NAALADL2: variants seen among roughly 807,000 people sequenced by gnomAD.
The protein encoded by NAALADL2 is inactive N-acetylated-alpha-linked acidic dipeptidase-like protein 2.
In NAALADL2, 76 loss-of-function variants were observed where a neutral mutation model predicts 87.2. That is an observed-to-expected ratio of 0.87 (90% CI 0.72 to 1.05). The LOEUF (loss-of-function observed/expected upper bound fraction) is 1.05, where lower values mean the gene tolerates loss of function less well. NAALADL2 is among the 50% of genes least tolerant of loss of function. NAALADL2 has a pLI of 0.00. For missense variants in NAALADL2, 1,089 were observed against 945.8 expected, an observed-to-expected ratio of 1.15 and a Z score of -1.99; for synonymous variants, 354 against 331.0, an observed-to-expected ratio of 1.07 and a Z score of -0.75.
intron 5 of NAALADL2, among the ~76,000 whole-genome samples, chr3:175,357,512 A>C (rs2148896848): frequency 6.6e-6 from 1 of 152,302 alleles, no homozygotes. Flanking sequence ...ACTGTCCCAT[A>C]GATTTTTCCT....
At chr3:174,460,858 T>A (rs1032921584) in intron 1 of NAALADL2, among the ~76,000 whole-genome samples, 2 of 152,000 alleles carry the variant, frequency 1.3e-5, no homozygotes. Flanking sequence ...TTTAAAAGAC[T>A]TTACTTAAGA....
Position 175,104,590 on chromosome 3 carries a change from C to T in NAALADL2, c.545+7299C>T, listed in dbSNP as rs562163432. 4.6e-5 allele frequency among the ~76,000 whole-genome samples: 7 copies of T among 152,042 alleles called. No homozygotes were observed. In the East Asian group the frequency reaches 1.2e-3, roughly 25 times the overall value. On this transcript the variant is annotated intron_variant, in intron 2 of 13. Transcript: ENST00000454872. ...TATTCTTCATGTTTTTTGTCCCTCTCTAATTTCAGTATTAAAATGAATGAG... is the reference window on the plus strand; with the variant it reads ...TATTCTTCATGTTTTTTGTCCCTCTTTAATTTCAGTATTAAAATGAATGAG...
chr3:175,620,074 G>GAAA (rs34788490), intron 10 of NAALADL2, among the ~76,000 whole-genome samples: 5 of 147,580 alleles, frequency 3.4e-5, no homozygotes, highest in Non-Finnish European at 7.5e-5. Context: ...TCTCTTTTTG[G>GAAA]AAAAAAAAAA....
intron 10 of NAALADL2, among the ~76,000 whole-genome samples, chr3:175,576,826 T>G (rs1718975281): frequency 6.6e-6 from 1 of 152,176 alleles, no homozygotes; most frequent in Non-Finnish European, 1.5e-5. Flanking sequence ...TACAAATTAT[T>G]TATGCATTAT....
At chr3:175,136,832 T>C (rs1729187756) in intron 2 of NAALADL2, among the ~76,000 whole-genome samples, 1 of 152,176 alleles carries the variant, frequency 6.6e-6, no homozygotes, top group African/African-American at 2.4e-5. Flanking sequence ...CTTGTGTTTC[T>C]ATAAGTCAAT....
intron 1 of NAALADL2, among the ~76,000 whole-genome samples, chr3:174,928,900 C>T (rs1189630439): frequency 6.6e-6 from 1 of 152,040 alleles, no homozygotes; most frequent in African/African-American, 2.4e-5. Flanking sequence ...TTCACATGTA[C>T]AGTGGAAAAT....
chr3:174,983,801 G>A (rs971974226), intron 1 of NAALADL2, among the ~76,000 whole-genome samples: 4 of 152,156 alleles, frequency 2.6e-5, no homozygotes, highest in Non-Finnish European at 4.4e-5. Context: ...CAATTGACTT[G>A]CATGTGAAAG....
chr3:175,647,941 AGGTTGATTTGG>A (rs1730233622), intron 11 of NAALADL2, among the ~76,000 whole-genome samples: 1 of 152,202 alleles, frequency 6.6e-6, no homozygotes, highest in Non-Finnish European at 1.5e-5. Context: ...TTACTTTACA[AGGTTGATTTGG>A]TCTAGATCTG....
At chr3:174,752,260 G>C (rs1734911027) in intron 3 of NAALADL2, among the ~76,000 whole-genome samples, 1 of 152,156 alleles carries the variant, frequency 6.6e-6, no homozygotes, top group African/African-American at 2.4e-5. Context: ...ACAGGTGTGA[G>C]CCACCGCGCC....
intron 4 of NAALADL2, among the ~76,000 whole-genome samples, chr3:175,270,419 T>C (rs2110001253): frequency 6.6e-6 from 1 of 152,312 alleles, no homozygotes; most frequent in East Asian, 1.9e-4. Context: ...AACTGACTGA[T>C]TTTTTATATT....
Position 174,472,931 on chromosome 3 carries a change from T to TA in NAALADL2, c.-184+31900dup, listed in dbSNP as rs202184249. The stretch of plus-strand genomic sequence containing the variant: ...ATCATTACGTTCAATGAGTAGGAGA[T>TA]ACGAAAATATCACCTAGGTTATATT... On this transcript the variant is annotated intron_variant, in intron 1 of 3. Transcript: ENST00000434257. Among the ~76,000 whole-genome samples the TA allele has an allele frequency of 1.8e-3, 271 of 152,280 alleles. 1 individual carries two copies. The highest frequency in any genetic ancestry group is 6.1e-3 in the African/African-American group (255 of 41,570).
chr3:175,447,876 T>C (rs1720948942), intron 6 of NAALADL2, among the ~76,000 whole-genome samples: 1 of 152,192 alleles, frequency 6.6e-6, no homozygotes, highest in Non-Finnish European at 1.5e-5. Context: ...TTGGACCACG[T>C]AGGATGAAAC....
At chr3:174,849,734 CAAAAAAAAAA>C (rs57620256) in intron 3 of NAALADL2, among the ~76,000 whole-genome samples, 1 of 62,832 alleles carries the variant, frequency 1.6e-5, no homozygotes, top group Non-Finnish European at 3.0e-5. Context: ...GACTCTGACT[CAAAAAAAAAA>C]AAAAAAAAAA....
intron 2 of NAALADL2, among the ~76,000 whole-genome samples, chr3:175,178,315 T>A (rs1389341973): frequency 6.6e-6 from 1 of 152,066 alleles, no homozygotes; most frequent in Non-Finnish European, 1.5e-5. Flanking sequence ...TAATTTTGAA[T>A]CATCATTTCT....
chr3:174,486,749 T>C (rs1002452783), intron 1 of NAALADL2, among the ~76,000 whole-genome samples: 3 of 152,070 alleles, frequency 2.0e-5, no homozygotes, highest in Non-Finnish European at 2.9e-5. Flanking sequence ...TTTTTTCTTT[T>C]TAAACTTGAC....
intron 1 of NAALADL2, among the ~76,000 whole-genome samples, chr3:174,506,604 C>A (rs1172219443): frequency 6.6e-6 from 1 of 151,940 alleles, no homozygotes; most frequent in East Asian, 1.9e-4. Context: ...TAATGTCTAT[C>A]TGATTATAGA....
At chr3:175,299,488 TCTC>T (rs1287343948) in intron 4 of NAALADL2, among the ~76,000 whole-genome samples, 2 of 152,138 alleles carry the variant, frequency 1.3e-5, no homozygotes, top group Non-Finnish European at 2.9e-5. Flanking sequence ...GGTTTGTAGT[TCTC>T]CTTGAAGAGG....
chr3:174,613,355 C>T (rs1720125619), intron 2 of NAALADL2, among the ~76,000 whole-genome samples: 1 of 152,204 alleles, frequency 6.6e-6, no homozygotes, highest in Admixed American at 6.5e-5. Context: ...CTGTGTCATC[C>T]CTTCAGCACA....
At chr3:174,522,958 GA>G (rs1268616563) in intron 1 of NAALADL2, among the ~76,000 whole-genome samples, 6 of 111,460 alleles carry the variant, frequency 5.4e-5, no homozygotes, top group South Asian at 3.2e-4. Context: ...AAAAAAAAAA[GA>G]AAAAAAACAA....
Sources: gnomAD v4.1 joint callset for allele counts (sites outside exome capture counted in the v4.1 genomes callset) on GRCh38, gnomAD v4.1.1 for gene constraint, MANE v1.5 for transcripts, NCBI Gene and HGNC (gene_info 2026-07-23, HGNC 2026-07-21) for gene names.